EBF1: variants seen among roughly 807,000 people sequenced by gnomAD.
EBF1 encodes the protein transcription factor COE1.
Under a neutral mutation model 68.4 loss-of-function variants are expected in EBF1, and 10 were observed. That is an observed-to-expected ratio of 0.15 (90% CI 0.09 to 0.25). EBF1 has a LOEUF of 0.25. EBF1 is among the 10% of genes least tolerant of loss of function. The pLI, the probability that EBF1 is intolerant of heterozygous loss-of-function variation, is 1.00. For missense variants in EBF1, 509 were observed against 794.4 expected, an observed-to-expected ratio of 0.64 and a Z score of 4.32; for synonymous variants, 298 against 299.8, an observed-to-expected ratio of 0.99 and a Z score of 0.06.
At chr5:159,043,667 G>A (rs1052435205) in intron 6 of EBF1, among the ~76,000 whole-genome samples, 1 of 152,076 alleles carries the variant, frequency 6.6e-6, no homozygotes, top group Non-Finnish European at 1.5e-5. Context: ...ATAAACAGCT[G>A]GAAATAGCTT....
intron 6 of EBF1, among the ~76,000 whole-genome samples, chr5:158,996,480 C>T (rs1260104757): frequency 1.3e-5 from 2 of 152,186 alleles, no homozygotes; most frequent in African/African-American, 4.8e-5. Flanking sequence ...TATTGTTTCA[C>T]TTTCTTCAAA....
chr5:158,941,212 A>G (rs548923457), intron 6 of EBF1: 1 of 456,012 alleles, frequency 2.2e-6, no homozygotes, highest in Non-Finnish European at 4.4e-6. Context: ...CATTCCAGAC[A>G]CACACATTTG....
chr5:158,989,585 C>G (rs139317157), intron 6 of EBF1, among the ~76,000 whole-genome samples: 2,649 of 152,208 alleles, frequency 0.017, 26 homozygotes, highest in Middle Eastern at 0.034. Context: ...TTACTAAAGC[C>G]TTCCTCTGTT....
chr5:159,010,485 T>TC (rs139510047), intron 6 of EBF1, among the ~76,000 whole-genome samples: 8,053 of 152,082 alleles, frequency 0.053, 267 homozygotes, highest in Middle Eastern at 0.13. Context: ...CGGAAAATAC[T>TC]CCCCCCCAGA....
intron 6 of EBF1, chr5:158,986,752 T>G (rs184770752): frequency 1.3e-5 from 2 of 152,234 alleles, no homozygotes; most frequent in South Asian, 2.1e-4. Flanking sequence ...TATCATTTCA[T>G]TGGGCTGGCC....
intron 9 of EBF1, among the ~76,000 whole-genome samples, chr5:158,784,300 C>A (rs941868840): frequency 6.6e-6 from 1 of 152,192 alleles, no homozygotes; most frequent in Non-Finnish European, 1.5e-5. Flanking sequence ...CATTATACAA[C>A]CATGACTATC....
intron 2 of EBF1, 124 bp from the exon 3 acceptor site, chr5:159,096,530 G>A (rs1000319186): frequency 2.2e-5 from 23 of 1,039,228 alleles, no homozygotes; most frequent in Non-Finnish European, 3.2e-5. Flanking sequence ...AGGCAGCCAC[G>A]GTAGCAGCAG....
chr5:158,954,508 C>T (rs781517630), intron 6 of EBF1, among the ~76,000 whole-genome samples: 35 of 152,142 alleles, frequency 2.3e-4, no homozygotes, highest in Non-Finnish European at 4.9e-4. Context: ...TTAGGGTGCC[C>T]CCAACTTAAT....
intron 6 of EBF1, among the ~76,000 whole-genome samples, chr5:158,886,629 T>C (rs1800097371): frequency 6.6e-6 from 1 of 152,222 alleles, no homozygotes; most frequent in Non-Finnish European, 1.5e-5. Flanking sequence ...GCCTACATAC[T>C]AGGAGATTAA....
At chr5:158,871,416 G>T (rs1214605902) in intron 6 of EBF1, among the ~76,000 whole-genome samples, 1 of 152,040 alleles carries the variant, frequency 6.6e-6, no homozygotes, top group Non-Finnish European at 1.5e-5. Flanking sequence ...CCATACAATT[G>T]CATTAACACA....
Position 158,698,959 on chromosome 5 carries a change from G to A in EBF1, c.*152C>T. ...CCTCTTCCAATTTCAGTATTTGCAA[G>A]GTCGGTGATTTTGTTTGTTTAAAAA... On this transcript the variant is annotated 3_prime_UTR_variant, in exon 16 of 16. Coordinates refer to ENST00000313708, the MANE Select transcript of EBF1 (RefSeq NM_024007.5). 2 of 598,854 alleles carry A rather than the reference G, an allele frequency of 3.3e-6. No homozygotes were observed. The highest frequency in any genetic ancestry group is 1.9e-5 in the African/African-American group (1 of 51,822). 37.1% of individuals were successfully genotyped at this position (598,854 alleles called of 1,614,324 possible). A position where few individuals can be genotyped will look rare whatever the true frequency, so the allele number is the denominator to read the frequency against.
At chr5:158,869,025 G>A (rs967564803) in intron 6 of EBF1, among the ~76,000 whole-genome samples, 1 of 152,092 alleles carries the variant, frequency 6.6e-6, no homozygotes, top group African/African-American at 2.4e-5. Context: ...ATGAAATGTG[G>A]CATTCAACTT....
At chr5:159,065,659 A>C (rs75659687) in intron 6 of EBF1, among the ~76,000 whole-genome samples, 1 of 151,830 alleles carries the variant, frequency 6.6e-6, no homozygotes, top group African/African-American at 2.4e-5. Flanking sequence ...TAAAAAAAAA[A>C]CCCACCACAA....
At chr5:158,996,595 A>AT (rs1162272486) in intron 6 of EBF1, among the ~76,000 whole-genome samples, 1 of 152,200 alleles carries the variant, frequency 6.6e-6, no homozygotes, top group Non-Finnish European at 1.5e-5. Context: ...GACATGTAGT[A>AT]TTGGTGGAAA....
At chr5:158,882,169 C>T (rs1799023140) in intron 6 of EBF1, among the ~76,000 whole-genome samples, 1 of 152,140 alleles carries the variant, frequency 6.6e-6, no homozygotes. Flanking sequence ...CAGATTGGTC[C>T]ATTTATCAAA....
chr5:158,706,124 C>G (rs757805226), intron 15 of EBF1, among the ~76,000 whole-genome samples: 8 of 151,334 alleles, frequency 5.3e-5, no homozygotes, highest in Non-Finnish European at 1.0e-4. Flanking sequence ...ATGGGTGGCT[C>G]TACTTTGTGG....
chr5:159,022,275 C>T lies in EBF1; in HGVS notation c.554+51121G>A, dbSNP rs772563162. 2.0e-5 allele frequency among the ~76,000 whole-genome samples: 3 copies of T among 152,206 alleles called. 1 individual carries two copies. The highest frequency in any genetic ancestry group is 4.1e-4 in the South Asian group (2 of 4,836). On this transcript the variant is annotated intron_variant, in intron 6 of 15. Coordinates refer to ENST00000313708, the MANE Select transcript of EBF1 (RefSeq NM_024007.5). ...AGCTTACAGAACTATTATCAAAACA[C>T]AGAGGAAATGTGCTCGGGGAGGCTG...
intron 6 of EBF1, among the ~76,000 whole-genome samples, chr5:158,877,203 T>C (rs1224470105): frequency 6.6e-6 from 1 of 152,208 alleles, no homozygotes; most frequent in Non-Finnish European, 1.5e-5. Flanking sequence ...ATCCAGTAAC[T>C]GAATAACAGC....
intron 6 of EBF1, among the ~76,000 whole-genome samples, chr5:159,072,348 T>A (rs55893963): frequency 0.23 from 34,911 of 151,992 alleles, 4,366 homozygotes; most frequent in Non-Finnish European, 0.27. Flanking sequence ...AACATCTTGT[T>A]TTTTGTTGTT....
Sources: allele counts gnomAD v4.1 joint callset (sites outside exome capture counted in the v4.1 genomes callset), GRCh38; gene constraint gnomAD v4.1.1; transcripts MANE v1.5; gene names NCBI Gene and HGNC (gene_info 2026-07-23, HGNC 2026-07-21).